The following COX6C variants were observed in gnomAD, a reference collection of about 807,000 sequenced individuals.
The protein encoded by COX6C is cytochrome c oxidase polypeptide VIc.
In COX6C, 3 loss-of-function variants were observed where a neutral mutation model predicts 6.9. The ratio of observed to expected loss-of-function variants is 0.43; its 90% CI spans 0.20 to 1.12. COX6C has a LOEUF of 1.12. COX6C is among the 50% of genes most tolerant of loss of function. COX6C has a pLI of 0.27. For missense variants in COX6C, 101 were observed against 97.3 expected, an observed-to-expected ratio of 1.04 and a Z score of -0.16; for synonymous variants, 32 against 32.0, an observed-to-expected ratio of 1.00 and a Z score of 0.00.
chr8:99,883,363 ACC>A (rs1373476786), intron 3 of COX6C, among the ~76,000 whole-genome samples: 4 of 151,872 alleles, frequency 2.6e-5, no homozygotes, highest in Non-Finnish European at 4.4e-5. Context: ...ACAGGCATGT[ACC>A]ACCACACCCA....
chr8:99,887,428 T>A (rs1817958666), intron 3 of COX6C, 62 bp downstream of exon 3: 2 of 889,502 alleles, frequency 2.2e-6, no homozygotes, highest in Admixed American at 6.3e-5. Flanking sequence ...GACAGTCACC[T>A]GTATTTGCAT....
At chr8:99,878,919 C>A (rs902622844) in intron 3 of COX6C, 2 of 151,982 alleles carry the variant, frequency 1.3e-5, no homozygotes, top group Non-Finnish European at 2.9e-5. Flanking sequence ...GTCTTAAATG[C>A]ATTTTTGACT....
intron 2 of COX6C, 104 bp downstream of exon 2, chr8:99,891,804 A>G (rs1818056203): frequency 1.1e-6 from 1 of 948,196 alleles, no homozygotes; most frequent in Non-Finnish European, 1.7e-6. Flanking sequence ...GAGTGCAGAA[A>G]GGGTTAGAAA....
intron 2 of COX6C, among the ~76,000 whole-genome samples, chr8:99,889,420 T>C (rs1817999908): frequency 6.6e-6 from 1 of 151,070 alleles, no homozygotes; most frequent in African/African-American, 2.4e-5. Flanking sequence ...AGTCTCGCTC[T>C]TGTTGCCCAG....
At chr8:99,883,260 G>A (rs1588826717) in intron 3 of COX6C, among the ~76,000 whole-genome samples, 1 of 152,070 alleles carries the variant, frequency 6.6e-6, no homozygotes, top group Non-Finnish European at 1.5e-5. Flanking sequence ...TGTTATCCAG[G>A]ATGGAGTGCA....
At chr8:99,883,139 C>T (rs1016660596) in intron 3 of COX6C, among the ~76,000 whole-genome samples, 3 of 151,960 alleles carry the variant, frequency 2.0e-5, no homozygotes, top group Admixed American at 6.6e-5. Context: ...ATAATCTGAA[C>T]GTCTATAACT....
In COX6C at chr8:99,891,953, C is replaced by T; in HGVS notation, c.69G>A (p.Met23Ile). The T allele has an allele frequency of 6.2e-7, 1 of 1,614,076 alleles. No individual in the cohort carries two copies. The highest frequency in any genetic ancestry group is 8.5e-7 in the Non-Finnish European group (1 of 1,180,012). Reference protein sequence around the residue: ...GLLARRLRNHMAVAFVLSLGV... With the variant: ...GLLARRLRNHIAVAFVLSLGV... The stretch of plus-strand genomic sequence containing the variant: ...CCAGGGATAGCACGAATGCTACAGC[C>T]ATATGATTTCGCAGACGCCTGGCCA... The change falls in exon 2 of 4, where the codon ATG becomes ATA. Residue 23 changes from methionine to isoleucine, a missense_variant. Physicochemically the swap from Met to Ile is conservative, Grantham distance 10. Coordinates refer to ENST00000520468, the MANE Select transcript of COX6C (RefSeq NM_004374.4).
rs1563524972 is a variant in COX6C at position 99,877,939 on chromosome 8, T to G, written c.*342A>C. On this transcript the variant is annotated 3_prime_UTR_variant, in exon 4 of 4. Coordinates refer to ENST00000520468, the MANE Select transcript of COX6C (RefSeq NM_004374.4). ...ACAGTACAGTAGTCTTACAGGCTCA[T>G]GAAGAACACTTTTTAATCCATAGCC... is the stretch of plus-strand genomic sequence containing the variant. 1.3e-5 allele frequency: 2 copies of G among 152,182 alleles called. No individual in the cohort carries two copies. The allele number at this position is 152,182 out of a possible 1,614,324, so 9.4% of individuals were successfully genotyped here.
intron 1 of COX6C, among the ~76,000 whole-genome samples, chr8:99,892,417 A>G (rs572876561): frequency 1.2e-3 from 184 of 152,286 alleles, no homozygotes; most frequent in African/African-American, 4.0e-3. Context: ...TTCAGGAATA[A>G]GATTTGGGTT....
At chr8:99,883,469 ATAT>A (rs1817898092) in intron 3 of COX6C, among the ~76,000 whole-genome samples, 1 of 142,798 alleles carries the variant, frequency 7.0e-6, no homozygotes, top group Non-Finnish European at 1.5e-5. Context: ...ATATATATAT[ATAT>A]TTTTTTTTTG....
chr8:99,884,616 C>T (rs1177120281), intron 3 of COX6C, among the ~76,000 whole-genome samples: 1 of 152,118 alleles, frequency 6.6e-6, no homozygotes, highest in Non-Finnish European at 1.5e-5. Context: ...AATGTGTGTC[C>T]TTGGACACAT....
At chr8:99,887,640 G>A in intron 2 of COX6C, 22 bp from the exon 3 acceptor site, 3 of 1,504,764 alleles carry the variant, frequency 2.0e-6, no homozygotes, top group Non-Finnish European at 2.7e-6. Context: ...CCATCCATTA[G>A]AGTTTATTTT....
chr8:99,891,804 A>C, intron 2 of COX6C, 104 bp downstream of exon 2: 1 of 948,196 alleles, frequency 1.1e-6, no homozygotes, highest in Non-Finnish European at 1.7e-6. Flanking sequence ...GAGTGCAGAA[A>C]GGGTTAGAAA....
At chr8:99,892,286 G>A (rs756802304) in intron 1 of COX6C, among the ~76,000 whole-genome samples, 6 of 152,186 alleles carry the variant, frequency 3.9e-5, no homozygotes, top group Admixed American at 6.5e-5. Context: ...AAAGTGCTGG[G>A]ATTCCGGCCT....
chr8:99,891,844 A>G, intron 2 of COX6C, 64 bp downstream of exon 2: 1 of 1,458,154 alleles, frequency 6.9e-7, no homozygotes, highest in Non-Finnish European at 9.6e-7. Context: ...AGTTTCTTTA[A>G]AAGATTTTTC....
At chr8:99,887,245 T>G (rs1817956221) in intron 3 of COX6C, 1 of 298,072 alleles carries the variant, frequency 3.4e-6, no homozygotes, top group Admixed American at 5.0e-5. Flanking sequence ...CCCTTGTGAT[T>G]ATGTTTCTGA....
At chr8:99,887,451 A>C in intron 3 of COX6C, 39 bp downstream of exon 3, 1 of 1,273,580 alleles carries the variant, frequency 7.9e-7, no homozygotes, top group Non-Finnish European at 1.1e-6. Context: ...TACCACAATT[A>C]GAAATTTTTT....
chr8:99,889,208 TTG>T (rs1261152652), intron 2 of COX6C, among the ~76,000 whole-genome samples: 1 of 152,158 alleles, frequency 6.6e-6, no homozygotes, highest in Admixed American at 6.5e-5. Flanking sequence ...CTTTGTGTGC[TTG>T]TCTCTCCAAA....
intron 2 of COX6C, among the ~76,000 whole-genome samples, chr8:99,890,181 T>C (rs1385694480): frequency 6.6e-6 from 1 of 152,040 alleles, no homozygotes; most frequent in Non-Finnish European, 1.5e-5. Flanking sequence ...CAGGCTGGTC[T>C]TGAACTCGTG....
Sources: allele counts gnomAD v4.1 joint callset (sites outside exome capture counted in the v4.1 genomes callset), GRCh38; gene constraint gnomAD v4.1.1; transcripts MANE v1.5; gene names NCBI Gene and HGNC (gene_info 2026-07-23, HGNC 2026-07-21).